PDE4D: variants seen among roughly 807,000 people sequenced by gnomAD.
The protein encoded by PDE4D is phosphodiesterase 4D, also known as 3',5'-cyclic-AMP phosphodiesterase 4D.
In PDE4D, 24 loss-of-function variants were observed where a neutral mutation model predicts 87.4. That is an observed-to-expected ratio of 0.27 (90% CI 0.20 to 0.39). PDE4D has a LOEUF of 0.39. Ranked by LOEUF, PDE4D falls within the 10% of genes least tolerant of loss-of-function variation. The probability of loss-of-function intolerance (pLI) is 1.00; values close to 1 mark genes in which losing one functional copy is unlikely to be tolerated. For missense variants in PDE4D, 714 were observed against 1,041.0 expected, an observed-to-expected ratio of 0.69 and a Z score of 4.32; for synonymous variants, 384 against 383.2, an observed-to-expected ratio of 1.00 and a Z score of -0.02.
At chr5:59,350,789 G>C (rs1345750268) in intron 1 of PDE4D, among the ~76,000 whole-genome samples, 4 of 152,160 alleles carry the variant, frequency 2.6e-5, no homozygotes, top group Admixed American at 6.6e-5. Flanking sequence ...TACAAATGAG[G>C]AAACTGAGGC....
chr5:59,862,925 TC>T (rs1436951291), intron 1 of PDE4D, among the ~76,000 whole-genome samples: 3 of 152,214 alleles, frequency 2.0e-5, no homozygotes, highest in Non-Finnish European at 4.4e-5. Context: ...ACATTTCTAT[TC>T]TTGGGCTATT....
intron 1 of PDE4D, among the ~76,000 whole-genome samples, chr5:60,307,867 C>T (rs138566209): frequency 2.6e-5 from 4 of 151,988 alleles, no homozygotes; most frequent in Non-Finnish European, 5.9e-5. Flanking sequence ...ATGGTGAAAC[C>T]CTGTCTTTAC....
At chr5:59,299,618 T>C (rs1290589201) in intron 1 of PDE4D, among the ~76,000 whole-genome samples, 1 of 152,156 alleles carries the variant, frequency 6.6e-6, no homozygotes, top group African/African-American at 2.4e-5. Context: ...ATGAGAGGAA[T>C]GATTAGGTTT....
chr5:59,258,260 GAC>G (rs1159005500), intron 1 of PDE4D, among the ~76,000 whole-genome samples: 1 of 151,766 alleles, frequency 6.6e-6, no homozygotes, highest in African/African-American at 2.4e-5. Context: ...GCCACAAAGA[GAC>G]ACACAGACAC....
chr5:59,351,282 G>A (rs1225677251), intron 1 of PDE4D, among the ~76,000 whole-genome samples: 1 of 152,156 alleles, frequency 6.6e-6, no homozygotes, highest in East Asian at 1.9e-4. Context: ...TTTGGCTCTA[G>A]AGCCAAAGTT....
At chr5:60,054,190 T>C (rs1038205888) in intron 2 of PDE4D, among the ~76,000 whole-genome samples, 3 of 152,164 alleles carry the variant, frequency 2.0e-5, no homozygotes, top group African/African-American at 7.2e-5. Flanking sequence ...ACCGGATATA[T>C]ACCCAAAGAA....
At chr5:59,938,957 C>T (rs1233798655) in intron 3 of PDE4D, among the ~76,000 whole-genome samples, 3 of 152,142 alleles carry the variant, frequency 2.0e-5, no homozygotes, top group Non-Finnish European at 4.4e-5. Context: ...TGGGCAGGAC[C>T]ATGAGACTAG....
At chr5:59,993,997 C>T (rs1763274904) in intron 2 of PDE4D, among the ~76,000 whole-genome samples, 1 of 151,874 alleles carries the variant, frequency 6.6e-6, no homozygotes, top group Non-Finnish European at 1.5e-5. Context: ...CTAAAGTAAG[C>T]AATTCCATAA....
intron 5 of PDE4D, among the ~76,000 whole-genome samples, chr5:59,141,046 C>T (rs938737730): frequency 5.9e-5 from 9 of 152,100 alleles, no homozygotes; most frequent in African/African-American, 2.2e-4. Context: ...ACTTATGTGG[C>T]AGAAGAAAAG....
chr5:59,623,430 T>C (rs1830557165), intron 1 of PDE4D, among the ~76,000 whole-genome samples: 1 of 152,196 alleles, frequency 6.6e-6, no homozygotes, highest in African/African-American at 2.4e-5. Flanking sequence ...TCACCTCCAC[T>C]TCACTTTAGA....
chr5:60,286,055 T>G (rs1210704773), intron 1 of PDE4D, among the ~76,000 whole-genome samples: 1 of 152,184 alleles, frequency 6.6e-6, no homozygotes, highest in African/African-American at 2.4e-5. Context: ...TTGGACAACT[T>G]CAGGCAAACA....
In PDE4D at chr5:60,138,824, T is replaced by C. The variant is rs78307173; in HGVS notation, c.42+46733A>G. Reference sequence around the variant, plus strand: ...TATATAACTACTATAAATAATTGCCTCCAATTATTAGTCATAATTGCAATA... The same window carrying C: ...TATATAACTACTATAAATAATTGCCCCCAATTATTAGTCATAATTGCAATA... On this transcript the variant is annotated intron_variant, in intron 2 of 16. Coordinates refer to the PDE4D transcript ENST00000502484. Among the ~76,000 whole-genome samples, 1,060 of 152,220 alleles carry C rather than the reference T, an allele frequency of 7.0e-3. 10 individuals carry two copies. Among genetic ancestry groups the C allele is most frequent in the African/African-American group, 0.024 (1,008 of 41,554 alleles).
intron 5 of PDE4D, among the ~76,000 whole-genome samples, chr5:59,167,812 A>G (rs2153470706): frequency 6.6e-6 from 1 of 152,270 alleles, no homozygotes. Flanking sequence ...CCTGAAGCTT[A>G]CTGGAGGTAT....
intron 1 of PDE4D, among the ~76,000 whole-genome samples, chr5:59,304,697 T>C (rs1770955549): frequency 6.6e-6 from 1 of 152,178 alleles, no homozygotes. Context: ...GTGTATCACA[T>C]TTATTGACTT....
At chr5:59,073,391 G>A (rs1257153662) in intron 5 of PDE4D, among the ~76,000 whole-genome samples, 1 of 151,450 alleles carries the variant, frequency 6.6e-6, no homozygotes, top group East Asian at 2.0e-4. Flanking sequence ...GTGACAAAGT[G>A]CATTCCAGGC....
At chr5:60,084,148 T>C (rs1419065930) in intron 2 of PDE4D, among the ~76,000 whole-genome samples, 3 of 152,176 alleles carry the variant, frequency 2.0e-5, no homozygotes, top group East Asian at 1.9e-4. Flanking sequence ...CTAAGCAAAA[T>C]AGACAAGAAA....
rs1423338635 is a variant in PDE4D at position 58,970,665 on chromosome 5, C to T, written c.*3999G>A. 1 of 152,024 alleles carries T rather than the reference C, an allele frequency of 6.6e-6. No homozygotes were observed. The highest frequency in any genetic ancestry group is 2.4e-5 in the African/African-American group (1 of 41,406). The allele number at this position is 152,024 out of a possible 1,614,324, so 9.4% of individuals were successfully genotyped here. A position where few individuals can be genotyped will look rare whatever the true frequency, so the allele number is the denominator to read the frequency against. Reference sequence around the variant, plus strand: ...AGATGGGTTTACATATATGTAAGGACATTTGGTTTATCTTAGTGGAAGAAA... The same window carrying T: ...AGATGGGTTTACATATATGTAAGGATATTTGGTTTATCTTAGTGGAAGAAA... On this transcript the variant is annotated 3_prime_UTR_variant, in exon 15 of 15. Coordinates refer to ENST00000340635, the MANE Select transcript of PDE4D (RefSeq NM_001104631.2).
At chr5:58,992,940 A>G (rs185606540) in intron 7 of PDE4D, among the ~76,000 whole-genome samples, 92 of 152,210 alleles carry the variant, frequency 6.0e-4, no homozygotes, top group African/African-American at 2.1e-3. Context: ...ATTGTATTTT[A>G]TCTGCCCACC....
intron 1 of PDE4D, among the ~76,000 whole-genome samples, chr5:59,461,614 C>A (rs1800796011): frequency 6.6e-6 from 1 of 152,186 alleles, no homozygotes. Flanking sequence ...ACAGCCTGAA[C>A]TTCATAATTT....
Sources: allele counts gnomAD v4.1 joint callset (sites outside exome capture counted in the v4.1 genomes callset), GRCh38; gene constraint gnomAD v4.1.1; transcripts MANE v1.5; gene names NCBI Gene and HGNC (gene_info 2026-07-23, HGNC 2026-07-21).